MRAS: variants seen among roughly 807,000 people sequenced by gnomAD.
MRAS encodes ras-related protein M-Ras.
A neutral mutation model predicts 20.9 loss-of-function variants in MRAS; 4 were observed. The ratio of observed to expected loss-of-function variants is 0.19; its 90% CI spans 0.09 to 0.44. The LOEUF (loss-of-function observed/expected upper bound fraction) is 0.44. MRAS is among the 20% of genes least tolerant of loss of function. The pLI, the probability that MRAS is intolerant of heterozygous loss-of-function variation, is 0.99. For synonymous variants in MRAS, 98 were observed against 102.9 expected (o/e 0.95, Z 0.29); for missense variants, 154 against 277.5 (o/e 0.56, Z 3.16).
chr3:138,368,278 GTGTGTGAGTGTGTA>G (rs1412792264), intron 1 of MRAS, among the ~76,000 whole-genome samples: 2 of 152,222 alleles, frequency 1.3e-5, no homozygotes, highest in South Asian at 2.1e-4. Context: ...GAGTGTGTGT[GTGTGTGAGTGTGTA>G]TGTGTGAGTG....
At chr3:138,349,151 CGTTAACGAGGGGAGGGATCCGCCAGGGA>C (rs1365892579) in intron 1 of MRAS, 2 of 151,852 alleles carry the variant, frequency 1.3e-5, no homozygotes, top group Non-Finnish European at 2.9e-5. Context: ...CTTAAGATGG[CGTTAACGAGGGGAGGGATCCGCCAGGGA>C]GTTGACAAAT....
intron 2 of MRAS, among the ~76,000 whole-genome samples, chr3:138,390,746 T>A (rs2108550088): frequency 6.6e-6 from 1 of 152,308 alleles, no homozygotes; most frequent in South Asian, 2.1e-4. Flanking sequence ...CACACACCCC[T>A]CCTCCCTGCT....
At chr3:138,354,903 C>T (rs956389056) in intron 1 of MRAS, among the ~76,000 whole-genome samples, 1 of 152,064 alleles carries the variant, frequency 6.6e-6, no homozygotes, top group South Asian at 2.1e-4. Flanking sequence ...GCCTCAGCCT[C>T]CTCAGTAGCT....
chr3:138,367,930 T>A (rs1297940882), intron 1 of MRAS, among the ~76,000 whole-genome samples: 1 of 152,260 alleles, frequency 6.6e-6, no homozygotes, highest in Non-Finnish European at 1.5e-5. Context: ...TGTACACATG[T>A]TATTAAAATT....
intron 2 of MRAS, among the ~76,000 whole-genome samples, chr3:138,387,839 A>G (rs186147391): frequency 6.6e-6 from 1 of 152,316 alleles, no homozygotes; most frequent in East Asian, 1.9e-4. Context: ...CAGTTTGTAT[A>G]CCAGTTCTGG....
chr3:138,386,417 G>C (rs142000666), intron 2 of MRAS, among the ~76,000 whole-genome samples: 2 of 152,170 alleles, frequency 1.3e-5, no homozygotes, highest in Admixed American at 1.3e-4. Flanking sequence ...TTACAGGTTC[G>C]TGCTGCTGCA....
At chr3:138,400,934 C>T (rs2055347344) in intron 5 of MRAS, among the ~76,000 whole-genome samples, 1 of 152,158 alleles carries the variant, frequency 6.6e-6, no homozygotes, top group African/African-American at 2.4e-5. Context: ...CTCCTCACAC[C>T]AAAGCTTTCC....
chr3:138,371,315 A>G (rs2054669338), intron 1 of MRAS, among the ~76,000 whole-genome samples: 1 of 152,202 alleles, frequency 6.6e-6, no homozygotes, highest in Non-Finnish European at 1.5e-5. Flanking sequence ...CAGTGTGGCC[A>G]CATAACCCAC....
intron 2 of MRAS, among the ~76,000 whole-genome samples, chr3:138,388,692 C>G (rs1449045375): frequency 6.6e-6 from 1 of 151,922 alleles, no homozygotes; most frequent in African/African-American, 2.4e-5. Context: ...GAGTGAGACT[C>G]TGTCTCAAAA....
chr3:138,352,538 TATTTTGC>T, intron 1 of MRAS, among the ~76,000 whole-genome samples: 1 of 152,338 alleles, frequency 6.6e-6, no homozygotes, highest in African/African-American at 2.4e-5. Context: ...GTATTTTTTG[TATTTTGC>T]TTCTTAATGT....
chr3:138,375,132 C>A lies in MRAS; in HGVS notation c.193+2056C>A, dbSNP rs538393943. ...GAACTCTTGGCTTCAAGCAATCCTT[C>A]CATTTCAGCCTCCCAAAGTGCTGGG... is the stretch of plus-strand genomic sequence containing the variant. On this transcript the variant is annotated intron_variant, in intron 2 of 5. Coordinates refer to ENST00000423968, the MANE Select transcript of MRAS (RefSeq NM_001085049.3). Among the ~76,000 whole-genome samples the A allele has an allele frequency of 1.2e-4, 18 of 152,258 alleles. No individual in the cohort carries two copies. In the South Asian group the frequency reaches 3.3e-3, roughly 28 times the overall value.
intron 3 of MRAS, 60 bp from the exon 4 acceptor site, chr3:138,398,409 C>A: frequency 6.9e-7 from 1 of 1,454,602 alleles, no homozygotes; most frequent in Non-Finnish European, 9.7e-7. Context: ...AATGTGCCAC[C>A]TTAACCAGGT....
intron 1 of MRAS, among the ~76,000 whole-genome samples, chr3:138,358,336 A>C (rs4678414): frequency 8.5e-5 from 7 of 82,574 alleles, no homozygotes; most frequent in Non-Finnish European, 1.9e-4. Flanking sequence ...GACTCTCTCA[A>C]AAAAAAAAAC....
chr3:138,353,964 T>C (rs1426716996), intron 1 of MRAS, among the ~76,000 whole-genome samples: 1 of 152,208 alleles, frequency 6.6e-6, no homozygotes, highest in Non-Finnish European at 1.5e-5. Flanking sequence ...TTCCCAGCAC[T>C]GGGTGACCAA....
At chr3:138,401,063 A>G (rs1576392838) in intron 5 of MRAS, among the ~76,000 whole-genome samples, 1 of 152,200 alleles carries the variant, frequency 6.6e-6, no homozygotes, top group Non-Finnish European at 1.5e-5. Flanking sequence ...GGCATTGCAC[A>G]TGTATCTCCT....
Position 138,400,521 on chromosome 3 carries a change from C to G in MRAS, c.448-13C>G. On this transcript the variant is annotated splice_polypyrimidine_tract_variant and intron_variant, in intron 4 of 5. Coordinates refer to ENST00000423968, the MANE Select transcript of MRAS (RefSeq NM_001085049.3). The stretch of plus-strand genomic sequence containing the variant: ...TCTGTGCCACTTTGATCAAGTTGAG[C>G]TTTGCCTTCCAGATTCCGTACATAG... 6.2e-7 allele frequency: 1 copy of G among 1,606,358 alleles called. No homozygotes were observed. Among genetic ancestry groups the G allele is most frequent in the Non-Finnish European group, 8.5e-7 (1 of 1,172,932 alleles).
chr3:138,400,594 G>A lies in MRAS; in HGVS notation c.508G>A (p.Asp170Asn). ...TCTCAATGTCGACAAAGCCTTCCAT[G>A]ACCTCGTTAGAGTAATTAGGTGAGC... Reference protein sequence around the residue: ...PPLNVDKAFHDLVRVIRQQIP... With the variant: ...PPLNVDKAFHNLVRVIRQQIP... The change falls in exon 5 of 6, where the codon GAC (aspartate) becomes AAC (asparagine). Residue 170 changes from aspartate to asparagine, a missense_variant. Physicochemically the swap from Asp to Asn is conservative, Grantham distance 23 (BLOSUM62 1). Coordinates refer to ENST00000423968, the MANE Select transcript of MRAS (RefSeq NM_001085049.3). The A allele has an allele frequency of 1.9e-6, 3 of 1,612,558 alleles. No homozygotes were observed. The highest frequency in any genetic ancestry group is 1.7e-6 in the Non-Finnish European group (2 of 1,178,568).
At chr3:138,400,238 T>G (rs928930606) in intron 4 of MRAS, 1 of 293,432 alleles carries the variant, frequency 3.4e-6, no homozygotes, top group African/African-American at 2.2e-5. Flanking sequence ...TTTTGATAAA[T>G]GAAACAGTCT....
intron 2 of MRAS, among the ~76,000 whole-genome samples, chr3:138,378,283 C>A (rs1410658086): frequency 6.6e-6 from 1 of 152,224 alleles, no homozygotes; most frequent in East Asian, 1.9e-4. Context: ...TGCTTTCTTG[C>A]AAACCTGTTT....
Sources: allele counts gnomAD v4.1 joint callset (sites outside exome capture counted in the v4.1 genomes callset), GRCh38; gene constraint gnomAD v4.1.1; transcripts MANE v1.5; gene names NCBI Gene and HGNC (gene_info 2026-07-23, HGNC 2026-07-21).